The following KCNU1 variants were observed in gnomAD, a reference collection of about 807,000 sequenced individuals.
KCNU1 encodes the protein potassium calcium-activated channel subfamily U member 1, also known as potassium channel subfamily U member 1.
Under a neutral mutation model 126.8 loss-of-function variants are expected in KCNU1, and 93 were observed. The ratio of observed to expected loss-of-function variants is 0.73; its 90% CI spans 0.62 to 0.87. The LOEUF (loss-of-function observed/expected upper bound fraction) is 0.87. KCNU1 is among the 40% of genes least tolerant of loss of function. The pLI is 0.00. For missense variants in KCNU1, 1,330 were observed against 1,367.1 expected (o/e 0.97, Z 0.43); for synonymous variants, 523 against 494.2 (o/e 1.06, Z -0.77).
chr8:36,880,858 A>C (rs1806449766), intron 19 of KCNU1, among the ~76,000 whole-genome samples: 1 of 152,196 alleles, frequency 6.6e-6, no homozygotes, highest in Admixed American at 6.5e-5. Flanking sequence ...GTAGAACAAA[A>C]AGAAAGATGC....
intron 22 of KCNU1, among the ~76,000 whole-genome samples, chr8:36,912,204 T>C (rs1807901513): frequency 6.6e-6 from 1 of 152,210 alleles, no homozygotes; most frequent in South Asian, 2.1e-4. Context: ...CTTTTCATGA[T>C]AATGGCTGTC....
At position 36,922,479 on chromosome 8, in the gene KCNU1, T is replaced by G; in HGVS notation, c.2597-11T>G. 1.2e-6 allele frequency: 2 copies of G among 1,609,006 alleles called. No individual in the cohort carries two copies. The highest frequency in any genetic ancestry group is 1.3e-5 in the African/African-American group (1 of 74,734). Reference sequence around the variant, plus strand: ...TCTGCTTGTCTTTCCTTTTTGCCTCTTGCCTTGCAGAAAATCCTTCCAACA... The same window carrying G: ...TCTGCTTGTCTTTCCTTTTTGCCTCGTGCCTTGCAGAAAATCCTTCCAACA... On this transcript the variant is annotated splice_polypyrimidine_tract_variant and intron_variant, in intron 23 of 26. Coordinates refer to ENST00000399881, the MANE Select transcript of KCNU1 (RefSeq NM_001031836.3).
At chr8:36,919,767 A>G (rs979627589) in intron 23 of KCNU1, among the ~76,000 whole-genome samples, 9 of 152,218 alleles carry the variant, frequency 5.9e-5, no homozygotes, top group Non-Finnish European at 1.3e-4. Context: ...CTAACCAGAA[A>G]AATGCATAAT....
intron 19 of KCNU1, among the ~76,000 whole-genome samples, chr8:36,896,941 A>C (rs933036621): frequency 4.6e-5 from 7 of 152,054 alleles, no homozygotes; most frequent in Non-Finnish European, 7.4e-5. Context: ...GATTACCTAA[A>C]AAACTTTCAC....
chr8:36,821,602 C>G (rs1804127572), intron 10 of KCNU1, among the ~76,000 whole-genome samples: 2 of 152,074 alleles, frequency 1.3e-5, no homozygotes, highest in South Asian at 2.1e-4. Flanking sequence ...GTATTTTGTA[C>G]AAGGGAGGGA....
At chr8:36,821,437 G>A (rs894891321) in intron 10 of KCNU1, among the ~76,000 whole-genome samples, 4 of 152,134 alleles carry the variant, frequency 2.6e-5, no homozygotes, top group Admixed American at 6.6e-5. Context: ...TGTTGGAGTT[G>A]GGGTATTCAC....
In KCNU1 at chr8:36,812,977, A is replaced by T. The variant is rs138803091; in HGVS notation, c.733-1230A>T. Among the ~76,000 whole-genome samples, 291 of 152,332 alleles carry T rather than the reference A, an allele frequency of 1.9e-3. 2 individuals are homozygous for T. Among genetic ancestry groups the T allele is most frequent in the African/African-American group, 6.6e-3 (275 of 41,586 alleles). ...TTGAATCCCTGTACTACAACATTGTAAAAGACACTATGGGATTTTAGCTTA... is the reference window on the plus strand; with the variant it reads ...TTGAATCCCTGTACTACAACATTGTTAAAGACACTATGGGATTTTAGCTTA... On this transcript the variant is annotated intron_variant, in intron 7 of 26. Coordinates refer to ENST00000399881, the MANE Select transcript of KCNU1 (RefSeq NM_001031836.3).
chr8:36,845,952 T>C, intron 18 of KCNU1, 53 bp downstream of exon 18: 1 of 1,064,550 alleles, frequency 9.4e-7, no homozygotes, highest in Non-Finnish European at 1.4e-6. Flanking sequence ...GGGAGCTGCC[T>C]GACGAAAGAG....
At chr8:36,856,093 A>G (rs1022508388) in intron 18 of KCNU1, among the ~76,000 whole-genome samples, 1 of 152,200 alleles carries the variant, frequency 6.6e-6, no homozygotes, top group Non-Finnish European at 1.5e-5. Flanking sequence ...CTTTTCAACT[A>G]TAAAGCTTCT....
At chr8:36,899,100 A>G (rs1358185801) in intron 19 of KCNU1, among the ~76,000 whole-genome samples, 1 of 152,070 alleles carries the variant, frequency 6.6e-6, no homozygotes, top group Non-Finnish European at 1.5e-5. Flanking sequence ...TGCCTATACA[A>G]ATTCATAGAA....
chr8:36,805,475 G>A (rs1234068624), intron 4 of KCNU1, among the ~76,000 whole-genome samples, 190 bp downstream of exon 4: 1 of 152,124 alleles, frequency 6.6e-6, no homozygotes, highest in Non-Finnish European at 1.5e-5. Flanking sequence ...CGCTAAACCA[G>A]GTTAAAAGTT....
chr8:36,910,949 G>C lies in KCNU1; in HGVS notation c.2351G>C (p.Gly784Ala). ...CATTAGGGATGTGCACTTTATTCTG[G>C]AGACCTCCATGCGGCCAACATAGAG... ...YILPGCALYS[G>A]DLHAANIEQC... The change falls in exon 22 of 27, where the codon GGA becomes GCA. Residue 784 changes from glycine (G) to alanine (A), a missense_variant. Around this residue, in one of 3 missense-constraint regions of KCNU1, gnomAD observed 1,054 missense variants for 1,053.9 expected, o/e 1.00. Coordinates refer to ENST00000399881, the MANE Select transcript of KCNU1 (RefSeq NM_001031836.3). 3 of 1,611,264 alleles carry C rather than the reference G, an allele frequency of 1.9e-6. No individual in the cohort carries two copies. Among genetic ancestry groups the C allele is most frequent in the Non-Finnish European group, 2.5e-6 (3 of 1,178,426 alleles).
chr8:36,808,125 G>T (rs1009205144), intron 6 of KCNU1, among the ~76,000 whole-genome samples: 6 of 152,112 alleles, frequency 3.9e-5, no homozygotes, highest in African/African-American at 1.2e-4. Flanking sequence ...AGGAAAGCCT[G>T]GTCCTGTGTG....
chr8:36,844,782 A>G (rs1267813465), intron 16 of KCNU1, among the ~76,000 whole-genome samples: 1 of 152,218 alleles, frequency 6.6e-6, no homozygotes, highest in Non-Finnish European at 1.5e-5. Flanking sequence ...GGAAAGGAGA[A>G]CTTCCGTTCT....
chr8:36,819,332 A>C (rs917222084), intron 10 of KCNU1, among the ~76,000 whole-genome samples: 3 of 152,140 alleles, frequency 2.0e-5, no homozygotes, highest in African/African-American at 7.2e-5. Context: ...AAGGCAAACA[A>C]ACAAAAATCA....
At chr8:36,824,707 A>G (rs1044237393) in intron 10 of KCNU1, among the ~76,000 whole-genome samples, 7 of 152,130 alleles carry the variant, frequency 4.6e-5, no homozygotes, top group African/African-American at 1.7e-4. Context: ...TTTATTTAGA[A>G]TATTATTTCC....
At chr8:36,821,347 G>A (rs151032455) in intron 10 of KCNU1, among the ~76,000 whole-genome samples, 335 of 152,242 alleles carry the variant, frequency 2.2e-3, no homozygotes, top group African/African-American at 7.7e-3. Flanking sequence ...AGTGCCCTCC[G>A]TTACAACCCC....
In KCNU1 at chr8:36,814,223, A is replaced by G. The variant is rs1585405876; in HGVS notation, c.749A>G (p.Asp250Gly). The change falls in exon 8 of 27, where the codon GAT (aspartate) becomes GGT (glycine). Residue 250 changes from aspartate to glycine, a missense_variant. Physicochemically the swap from Asp to Gly is moderately conservative, Grantham distance 94. Transcript: ENST00000399881. ...GFIHLVENSG[D>G]PWLKGRNSQN... Reference sequence around the variant, plus strand: ...TTTGGACAGGTGGAAAATTCTGGTGATCCCTGGCTCAAAGGTAGAAATTCA... The same window carrying G: ...TTTGGACAGGTGGAAAATTCTGGTGGTCCCTGGCTCAAAGGTAGAAATTCA... 2 of 1,613,150 alleles carry G rather than the reference A, an allele frequency of 1.2e-6. No individual in the cohort carries two copies. The highest frequency in any genetic ancestry group is 1.7e-6 in the Non-Finnish European group (2 of 1,179,450).
chr8:36,839,571 T>C (rs1466270746), intron 14 of KCNU1, among the ~76,000 whole-genome samples: 1 of 152,190 alleles, frequency 6.6e-6, no homozygotes, highest in East Asian at 1.9e-4. Flanking sequence ...TCTGTCCTTT[T>C]TCGTAGGGCA....
Sources: gnomAD v4.1 joint callset for allele counts (sites outside exome capture counted in the v4.1 genomes callset) on GRCh38, gnomAD v4.1.1 for gene constraint, gnomAD v4.1.1 regional missense constraint, MANE v1.5 for transcripts, NCBI Gene and HGNC (gene_info 2026-07-23, HGNC 2026-07-21) for gene names.